Variants in MKLN1 observed in about 807,000 individuals in gnomAD.
MKLN1 encodes muskelin.
Under a neutral mutation model 99.0 loss-of-function variants are expected in MKLN1, and 18 were observed. The ratio of observed to expected loss-of-function variants is 0.18; its 90% confidence interval spans 0.13 to 0.27. The LOEUF is 0.27. Ranked by LOEUF, MKLN1 falls within the 10% of genes least tolerant of loss-of-function variation. The probability of loss-of-function intolerance (pLI) is 1.00; values close to 1 mark genes in which losing one functional copy is unlikely to be tolerated. For missense variants in MKLN1, 621 were observed against 875.9 expected (o/e 0.71, Z 3.67); for synonymous variants, 288 against 293.2 (o/e 0.98, Z 0.18).
chr7:131,258,305 A>G (rs991514966), intron 3 of MKLN1, among the ~76,000 whole-genome samples: 1 of 88,226 alleles, frequency 1.1e-5, no homozygotes, highest in Non-Finnish European at 2.8e-5. Context: ...AGAAAAGAGT[A>G]GATGTTTCTC....
chr7:131,263,286 T>C (rs1025975795), intron 3 of MKLN1, among the ~76,000 whole-genome samples: 1 of 151,556 alleles, frequency 6.6e-6, no homozygotes, highest in Non-Finnish European at 1.5e-5. Context: ...ACAGGATTAC[T>C]TTAGCCCAGA....
intron 8 of MKLN1, among the ~76,000 whole-genome samples, chr7:131,421,982 G>A (rs186696907): frequency 7.7e-4 from 117 of 152,262 alleles, no homozygotes; most frequent in Non-Finnish European, 1.4e-3. Flanking sequence ...TTTTCTTGAT[G>A]AAGATCAGGT....
intron 8 of MKLN1, among the ~76,000 whole-genome samples, chr7:131,423,490 G>A (rs889290355): frequency 6.6e-6 from 1 of 152,110 alleles, no homozygotes; most frequent in South Asian, 2.1e-4. Flanking sequence ...GTGCCACCAC[G>A]CCTGGCTAAT....
intron 7 of MKLN1, among the ~76,000 whole-genome samples, chr7:131,413,712 G>C (rs1360104773): frequency 6.6e-6 from 1 of 151,996 alleles, no homozygotes; most frequent in Non-Finnish European, 1.5e-5. Context: ...GCTAATTTTT[G>C]TATTTTAGTA....
rs903103151 is a variant in MKLN1 at position 131,495,463 on chromosome 7, T to G, written c.*7735T>G. On this transcript the variant is annotated 3_prime_UTR_variant, in exon 18 of 18. Coordinates refer to ENST00000352689, the MANE Select transcript of MKLN1 (RefSeq NM_013255.5). ...TGATGTTAGTGATTGTCAAAATAGG[T>G]TTATCATTTAAAAAACTAGGAAATT... The G allele has an allele frequency of 6.6e-6, 1 of 152,110 alleles. No individual in the cohort carries two copies. The highest frequency in any genetic ancestry group is 2.4e-5 in the African/African-American group (1 of 41,398). 9.4% of individuals were successfully genotyped at this position (152,110 alleles called of 1,614,324 possible).
intron 2 of MKLN1, among the ~76,000 whole-genome samples, chr7:131,174,761 T>C (rs895656295): frequency 6.6e-6 from 1 of 152,336 alleles, no homozygotes; most frequent in Admixed American, 6.5e-5. Context: ...TGAGAATTGA[T>C]AATTCAAACC....
At chr7:131,355,648 A>G (rs1799852556) in intron 1 of MKLN1, among the ~76,000 whole-genome samples, 1 of 137,234 alleles carries the variant, frequency 7.3e-6, no homozygotes, top group Non-Finnish European at 1.6e-5. Context: ...ATATATATAT[A>G]TGCTTTAAGT....
rs1795598861 is a variant in MKLN1 at position 131,133,740 on chromosome 7, G to GC, written c.-418-9078dup. On this transcript the variant is annotated intron_variant, in intron 1 of 7. Coordinates refer to the MKLN1 transcript ENST00000416992. ...GGGCTCCAGTGATCCTCTTGCCTCA[G>GC]CCTTCCAAACTGCTGGGATTATAGG... Among the ~76,000 whole-genome samples the GC allele has an allele frequency of 2.0e-5, 3 of 146,546 alleles. No individual in the cohort carries two copies. In the South Asian group the frequency reaches 6.4e-4, roughly 31 times the overall value.
chr7:131,131,051 C>CA (rs35397071), intron 1 of MKLN1, among the ~76,000 whole-genome samples: 53,992 of 65,600 alleles, frequency 0.82, 22,416 homozygotes, highest in Non-Finnish European at 0.87. Context: ...GACCCTGTCT[C>CA]AAAAAAAAAA....
intron 2 of MKLN1, among the ~76,000 whole-genome samples, chr7:131,172,415 A>G (rs902333681): frequency 6.6e-5 from 10 of 151,740 alleles, no homozygotes; most frequent in Admixed American, 1.3e-4. Context: ...TTCTGGGTTC[A>G]CGCCATTCTC....
At chr7:131,418,854 T>C (rs1795103456) in intron 8 of MKLN1, among the ~76,000 whole-genome samples, 2 of 152,206 alleles carry the variant, frequency 1.3e-5, no homozygotes, top group Non-Finnish European at 2.9e-5. Flanking sequence ...AGCAGAAATA[T>C]GAGGAAACAT....
intron 6 of MKLN1, among the ~76,000 whole-genome samples, chr7:131,403,192 T>C (rs1284105770): frequency 6.6e-6 from 1 of 152,208 alleles, no homozygotes; most frequent in Non-Finnish European, 1.5e-5. Context: ...TCTTCTATAA[T>C]ACATCAACAC....
chr7:131,467,993 G>A (rs1252875663), intron 15 of MKLN1, among the ~76,000 whole-genome samples: 1 of 152,168 alleles, frequency 6.6e-6, no homozygotes, highest in African/African-American at 2.4e-5. Flanking sequence ...GTGAGTCATG[G>A]GAGAAGGAGC....
upstream of MKLN1, chr7:131,326,869 C>G (rs896952912): frequency 6.6e-6 from 1 of 152,208 alleles, no homozygotes; most frequent in Non-Finnish European, 1.5e-5. Flanking sequence ...GATGATGACA[C>G]TGTCCAGGCT....
At chr7:131,120,374 AAAAC>A (rs948031947) in intron 1 of MKLN1, among the ~76,000 whole-genome samples, 30 of 147,690 alleles carry the variant, frequency 2.0e-4, no homozygotes, top group African/African-American at 6.8e-4. Context: ...AAAATACAAA[AAAAC>A]AAACAAACAA....
At chr7:131,225,688 G>A (rs1227493801) in intron 3 of MKLN1, among the ~76,000 whole-genome samples, 2 of 152,130 alleles carry the variant, frequency 1.3e-5, no homozygotes, top group Admixed American at 6.5e-5. Flanking sequence ...TGTCGAGTTG[G>A]GTATTTCCTC....
chr7:131,130,452 C>T (rs2116224102), intron 1 of MKLN1, among the ~76,000 whole-genome samples: 1 of 152,286 alleles, frequency 6.6e-6, no homozygotes, highest in South Asian at 2.1e-4. Context: ...AATCCTCATG[C>T]CAGACCTCTA....
intron 2 of MKLN1, among the ~76,000 whole-genome samples, chr7:131,166,733 T>C (rs955038220): frequency 6.6e-6 from 1 of 152,210 alleles, no homozygotes; most frequent in Non-Finnish European, 1.5e-5. Context: ...TTGCCCAGGC[T>C]GGAGTGCAGT....
rs145787492 is a variant in MKLN1 at position 131,173,075 on chromosome 7, T to G, written c.-296-29782T>G. On this transcript the variant is annotated intron_variant, in intron 2 of 7. Coordinates refer to the MKLN1 transcript ENST00000416992. ...GAATGAATTGACAAAAATCAATATT[T>G]TCTTTAAACTTGCATTTATAACACT... Among the ~76,000 whole-genome samples the G allele has an allele frequency of 9.6e-4, 146 of 152,250 alleles. 1 individual carries two copies. The highest frequency in any genetic ancestry group is 3.1e-3 in the African/African-American group (127 of 41,532).
Sources: gnomAD v4.1 joint callset for allele counts (sites outside exome capture counted in the v4.1 genomes callset) on GRCh38, gnomAD v4.1.1 for gene constraint, MANE v1.5 for transcripts, NCBI Gene and HGNC (gene_info 2026-07-23, HGNC 2026-07-21) for gene names.